Variants in TMEM87B observed in about 807,000 individuals in gnomAD.
TMEM87B encodes the protein transmembrane protein 87B.
Under a neutral mutation model 80.3 loss-of-function variants are expected in TMEM87B, and 83 were observed. That is an observed-to-expected ratio of 1.03 (90% CI 0.87 to 1.24). TMEM87B has a LOEUF of 1.24. TMEM87B is among the 50% of genes most tolerant of loss of function. The pLI is 0.00. For synonymous variants in TMEM87B, 219 were observed against 230.5 expected (o/e 0.95, Z 0.45); for missense variants, 625 against 674.4 (o/e 0.93, Z 0.81).
intron 4 of TMEM87B, among the ~76,000 whole-genome samples, chr2:112,068,621 G>A (rs937818148): frequency 6.6e-5 from 10 of 151,450 alleles, no homozygotes; most frequent in Non-Finnish European, 1.2e-4. Context: ...GGAGAATGGC[G>A]TGAACTCGGG....
At chr2:112,085,157 C>T (rs1021336279) in intron 8 of TMEM87B, among the ~76,000 whole-genome samples, 3 of 152,216 alleles carry the variant, frequency 2.0e-5, no homozygotes, top group Admixed American at 6.5e-5. Context: ...CCCTTAACAT[C>T]GAGTCCAGAC....
At chr2:112,064,052 C>G in intron 2 of TMEM87B, 110 bp from the exon 3 acceptor site, 1 of 813,124 alleles carries the variant, frequency 1.2e-6, no homozygotes, top group South Asian at 1.9e-5. Context: ...TAATGTTTTA[C>G]TCATTGTTAC....
intron 8 of TMEM87B, among the ~76,000 whole-genome samples, chr2:112,084,416 C>T (rs996757235): frequency 1.4e-4 from 22 of 152,226 alleles, no homozygotes; most frequent in Admixed American, 1.2e-3. Context: ...TTGCAATCTT[C>T]TCAACCTCTG....
intron 8 of TMEM87B, among the ~76,000 whole-genome samples, chr2:112,082,932 AG>A (rs756023518): frequency 4.6e-5 from 7 of 152,162 alleles, no homozygotes; most frequent in Non-Finnish European, 1.0e-4. Context: ...ATGGCACTAG[AG>A]GGCTTGGAAG....
chr2:112,100,277 C>CT (rs1373843509), intron 14 of TMEM87B, among the ~76,000 whole-genome samples: 1 of 152,068 alleles, frequency 6.6e-6, no homozygotes, highest in Non-Finnish European at 1.5e-5. Flanking sequence ...AGCAACTTTT[C>CT]TTTTTTTAGG....
intron 7 of TMEM87B, 25 bp downstream of exon 7, chr2:112,081,143 CT>C: frequency 6.2e-7 from 1 of 1,606,872 alleles, no homozygotes; most frequent in African/African-American, 1.3e-5. Context: ...TCATTTTTTC[CT>C]TTTTAAAAAA....
intron 8 of TMEM87B, 89 bp downstream of exon 8, chr2:112,081,607 A>C: frequency 8.3e-7 from 1 of 1,208,960 alleles, no homozygotes; most frequent in Non-Finnish European, 1.1e-6. Flanking sequence ...CCTTCTGAAC[A>C]GTGGTTTGGA....
intron 15 of TMEM87B, 103 bp downstream of exon 15, chr2:112,100,798 A>T (rs1162098140): frequency 1.6e-6 from 1 of 608,540 alleles, no homozygotes; most frequent in African/African-American, 1.9e-5. Flanking sequence ...TTTTTTCTAT[A>T]AAATATTTTA....
chr2:112,059,827 A>G (rs888231912), intron 1 of TMEM87B, 150 bp from the exon 2 acceptor site: 39 of 1,094,408 alleles, frequency 3.6e-5, no homozygotes, highest in African/African-American at 3.1e-4. Flanking sequence ...CAAGGTTTTA[A>G]GCAAGTTAGT....
chr2:112,088,185 A>G (rs959048409), intron 9 of TMEM87B, among the ~76,000 whole-genome samples: 1 of 152,228 alleles, frequency 6.6e-6, no homozygotes, highest in Non-Finnish European at 1.5e-5. Context: ...TTCTTTCTCA[A>G]ATGCCTTTTG....
At chr2:112,080,925 C>G (rs1419951768) in intron 6 of TMEM87B, 132 bp from the exon 7 acceptor site, 6 of 714,750 alleles carry the variant, frequency 8.4e-6, no homozygotes, top group Non-Finnish European at 1.4e-5. Context: ...TTGTCCAATA[C>G]CATGTATGTG....
chr2:112,064,265 A>G lies in TMEM87B; in HGVS notation c.318+12A>G, dbSNP rs779321798. On this transcript the variant is annotated intron_variant, in intron 3 of 18. Transcript: ENST00000283206. ...ATTCTAATCTGGAAGTAAGTAAAAC[A>G]CAAGTTTTTAATGTATATAAAGCTA... 6 of 1,608,604 alleles carry G rather than the reference A, an allele frequency of 3.7e-6. No homozygotes were observed. The highest frequency in any genetic ancestry group is 5.1e-6 in the Non-Finnish European group (6 of 1,175,738).
chr2:112,056,807 T>G (rs1678085564), intron 1 of TMEM87B, among the ~76,000 whole-genome samples: 1 of 152,222 alleles, frequency 6.6e-6, no homozygotes, highest in Admixed American at 6.5e-5. Flanking sequence ...GATTGGATTC[T>G]TCTGGGTTGG....
rs540414273 is a variant in TMEM87B, at chr2:112,096,037, G to C, written c.1105-1007G>C. ...CCTCCAAACCCCCTTCCCTATTTGT[G>C]TTCCGAGAAAAGACTTACCTCAGAG... On this transcript the variant is annotated intron_variant, in intron 11 of 18. Transcript: ENST00000283206. Among the ~76,000 whole-genome samples the C allele has an allele frequency of 2.0e-5, 3 of 150,420 alleles. No homozygotes were observed. In the East Asian group the frequency reaches 5.9e-4, roughly 30 times the overall value.
intron 2 of TMEM87B, among the ~76,000 whole-genome samples, chr2:112,062,745 T>C (rs1254775402): frequency 2.6e-5 from 4 of 152,212 alleles, no homozygotes; most frequent in Non-Finnish European, 5.9e-5. Flanking sequence ...TTTAGGATGG[T>C]TCTGCAGTAG....
intron 11 of TMEM87B, among the ~76,000 whole-genome samples, chr2:112,093,303 A>G (rs777802935): frequency 3.3e-5 from 5 of 152,202 alleles, no homozygotes; most frequent in Non-Finnish European, 7.3e-5. Flanking sequence ...TACAAACCTA[A>G]AATTTGTAAT....
At chr2:112,098,179 T>G (rs1364240039) in intron 13 of TMEM87B, among the ~76,000 whole-genome samples, 1 of 152,142 alleles carries the variant, frequency 6.6e-6, no homozygotes, top group African/African-American at 2.4e-5. Context: ...GGTCCTCTTT[T>G]GGGGATTTGT....
chr2:112,075,300 T>C (rs188408066), intron 5 of TMEM87B, among the ~76,000 whole-genome samples: 43 of 152,258 alleles, frequency 2.8e-4, no homozygotes, highest in African/African-American at 1.0e-3. Flanking sequence ...CTTGGGAGGC[T>C]GAGGCATGAG....
chr2:112,062,348 C>G (rs1678283571), intron 2 of TMEM87B, among the ~76,000 whole-genome samples: 1 of 152,188 alleles, frequency 6.6e-6, no homozygotes, highest in Non-Finnish European at 1.5e-5. Context: ...CAATGTAATT[C>G]ACCATATTAA....
Sources: gnomAD v4.1 joint callset for allele counts (sites outside exome capture counted in the v4.1 genomes callset) on GRCh38, gnomAD v4.1.1 for gene constraint, MANE v1.5 for transcripts, NCBI Gene and HGNC (gene_info 2026-07-23, HGNC 2026-07-21) for gene names.